The following EPPK1 variants were observed in gnomAD, a reference collection of about 807,000 sequenced individuals.
EPPK1 encodes epiplakin.
For missense variants in EPPK1, 3,823 were observed against 3,673.3 expected (o/e 1.04, Z -1.05); for synonymous variants, 1,862 against 1,721.2 (o/e 1.08, Z -2.03).
chr8:143,866,106 G>C lies in EPPK1; in HGVS notation c.7148C>G (p.Thr2383Ser). Reference protein sequence around the residue: ...NRVLADPSDDTKGFFDPNTHE... With the variant: ...NRVLADPSDDSKGFFDPNTHE... ...CGTGTTGGGGTCGAAGAAGCCCTTG[G>C]TGTCGTCGCTGGGGTCGGCCAGGAC... Residue 2383 changes from threonine to serine, a missense_variant, in exon 2 of 2, where the codon ACC (threonine) becomes AGC (serine). Transcript: ENST00000615648. 3.3e-6 allele frequency: 1 copy of C among 304,780 alleles called. No homozygotes were observed. The highest frequency in any genetic ancestry group is 5.7e-5 in the East Asian group (1 of 17,684). The allele number at this position is 304,780 out of a possible 1,614,324, so 18.9% of individuals were successfully genotyped here. A position where few individuals can be genotyped will look rare whatever the true frequency, so the allele number is the denominator to read the frequency against.
rs145468420 is a variant in EPPK1 at position 143,867,431 on chromosome 8, C to T, written c.5823G>A (p.Leu1941=). The T allele has an allele frequency of 1.9e-5, 31 of 1,612,702 alleles. No homozygotes were observed. In the South Asian group the frequency reaches 2.6e-4, roughly 14 times the overall value. ...AGAGCTTCTGGCGGGTGCAGGGGTC[C>T]AGGAGGAACCCGGTGGCGGCCTGCG... ...LEAQAATGFL[L]DPCTRQKLSV... The change falls in exon 2 of 2, where the codon CTG becomes CTA. Residue 1941 remains leucine (L), a synonymous_variant. Coordinates refer to ENST00000615648, the MANE Select transcript of EPPK1 (RefSeq NM_031308.4).
Position 143,868,734 on chromosome 8 carries a change from G to A in EPPK1, c.4520C>T (p.Thr1507Ile). Residue 1507 changes from threonine (T) to isoleucine (I), a missense_variant, in exon 2 of 2, where the codon ACC becomes ATC. Coordinates refer to ENST00000615648, the MANE Select transcript of EPPK1 (RefSeq NM_031308.4). The stretch of plus-strand genomic sequence containing the variant: ...CTGCCTCTCTGCAGCCTCGACCAGG[G>A]TGGTGACTGCGCTGACCACCTGCCG... ...ALRQVVSAVTTLVEAAERQPL... is the reference protein window; with the variant it reads ...ALRQVVSAVTILVEAAERQPL... 6.3e-7 allele frequency: 1 copy of A among 1,581,588 alleles called. No homozygotes were observed. The highest frequency in any genetic ancestry group is 8.6e-7 in the Non-Finnish European group (1 of 1,168,140).
At position 143,868,041 on chromosome 8, in the gene EPPK1, G is replaced by A. The variant is rs367995617; in HGVS notation, c.5213C>T (p.Thr1738Met). Reference sequence around the variant, plus strand: ...ACAGCGCTCCAGAAGCTGCAGGTACGTGAGGTTCTCGTGCGTGTTGGGGTC... The same window carrying A: ...ACAGCGCTCCAGAAGCTGCAGGTACATGAGGTTCTCGTGCGTGTTGGGGTC... ...FFDPNTHENL[T>M]YLQLLERCVE... Residue 1738 changes from threonine to methionine, a missense_variant, in exon 2 of 2, where the codon ACG becomes ATG. Transcript: ENST00000615648. 89 of 1,613,708 alleles carry A rather than the reference G, an allele frequency of 5.5e-5. No homozygotes were observed. The highest frequency in any genetic ancestry group is 2.5e-4 in the African/African-American group (19 of 75,064).
At position 143,869,069 on chromosome 8, in the gene EPPK1, T is replaced by A; in HGVS notation, c.4185A>T (p.Ala1395=). The A allele has an allele frequency of 6.2e-7, 1 of 1,608,664 alleles. No individual in the cohort carries two copies. Among genetic ancestry groups the A allele is most frequent in the African/African-American group, 1.3e-5 (1 of 75,060 alleles). Residue 1395 remains alanine, a synonymous_variant, in exon 2 of 2, where the codon GCA becomes GCT. Coordinates refer to ENST00000615648, the MANE Select transcript of EPPK1 (RefSeq NM_031308.4). ...LDTQTSQVLT[A]VDKDNKFFFD... is the part of the protein sequence containing the mutation. ...AGAAGAACTTGTTGTCCTTGTCAAC[T>A]GCAGTCAGCACCTGGCTCGTCTGTG...
Position 143,873,740 on chromosome 8 carries a change from G to A in EPPK1, c.-45-442C>T, listed in dbSNP as rs554047953. 3.6e-5 allele frequency among the ~76,000 whole-genome samples: 4 copies of A among 111,144 alleles called. No individual in the cohort carries two copies. In the East Asian group the frequency reaches 6.7e-4, roughly 19 times the overall value. The allele number at this position is 111,144 out of a possible 152,430, so 72.9% of individuals were successfully genotyped here. On this transcript the variant is annotated intron_variant, in intron 1 of 1. Coordinates refer to ENST00000615648, the MANE Select transcript of EPPK1 (RefSeq NM_031308.4). ...GGGCCCGCCCCTCAGCCTGGGCACC[G>A]GCATCTCCCCACCTTTTGTTCTCCA...
intron 1 of EPPK1, among the ~76,000 whole-genome samples, chr8:143,874,640 T>C (rs1819446259): frequency 6.6e-6 from 1 of 152,178 alleles, no homozygotes; most frequent in Admixed American, 6.5e-5. Context: ...CCTCTAGAGC[T>C]GTGAGAGCAA....
rs373337831 is a variant in EPPK1 at position 143,867,956 on chromosome 8, G to A, written c.5298C>T (p.Tyr1766=). The A allele has an allele frequency of 4.1e-5, 66 of 1,613,560 alleles. No homozygotes were observed. Among genetic ancestry groups the A allele is most frequent in the South Asian group, 5.5e-5 (5 of 91,074 alleles). ...LLQIIKKGEN[Y]VYINEATRHV... is the part of the protein sequence containing the mutation. The stretch of plus-strand genomic sequence containing the variant: ...GTCTCGTGGCCTCATTGATGTACAC[G>A]TAGTTTTCTCCTTTCTTTATGATTT... The change falls in exon 2 of 2, where the codon TAC becomes TAT. Residue 1766 remains tyrosine, a synonymous_variant. Transcript: ENST00000615648.
Position 143,878,433 on chromosome 8 carries a change from C to CGCACCCGCT in EPPK1, c.-46+4_-46+5insAGCGGGTGC. 6.7e-6 allele frequency: 1 copy of CGCACCCGCT among 148,760 alleles called. No individual in the cohort carries two copies. Among genetic ancestry groups the CGCACCCGCT allele is most frequent in the Non-Finnish European group, 1.5e-5 (1 of 66,708 alleles). 9.2% of individuals were successfully genotyped at this position (148,760 alleles called of 1,614,324 possible). On this transcript the variant is annotated splice_donor_region_variant and intron_variant, in intron 1 of 1. Transcript: ENST00000615648. ...CACCCGCCGCACCCGCCGCACCCGCCGCACCTGCCCGCTCGCCGCTCGGTC... is the reference window on the plus strand; with the variant it reads ...CACCCGCCGCACCCGCCGCACCCGCCGCACCCGCTGCACCTGCCCGCTCGCCGCTCGGTC...
In EPPK1 at chr8:143,867,208, C is replaced by T. The variant is rs782200809; in HGVS notation, c.6046G>A (p.Val2016Ile). 2.5e-6 allele frequency: 4 copies of T among 1,612,770 alleles called. No homozygotes were observed. The highest frequency in any genetic ancestry group is 2.5e-6 in the Non-Finnish European group (3 of 1,179,820). ...CGGTGGTGGTGCTGTGGGTCGATGA[C>T]ACCCCCCGTGGCCACCTGCACCTCC... ...LLEVQVATGG[V>I]IDPQHHHRLP... Residue 2016 changes from valine (V) to isoleucine (I), a missense_variant, in exon 2 of 2, where the codon GTC (valine) becomes ATC (isoleucine). Transcript: ENST00000615648.
Position 143,868,783 on chromosome 8 carries a change from GAC to G in EPPK1, c.4469_4470del (p.Cys1490SerfsTer281). The G allele has an allele frequency of 6.3e-7, 1 of 1,599,446 alleles. No homozygotes were observed. The highest frequency in any genetic ancestry group is 8.5e-7 in the Non-Finnish European group (1 of 1,177,790). On this transcript the variant is annotated frameshift_variant, in exon 2 of 2. Coordinates refer to ENST00000615648, the MANE Select transcript of EPPK1 (RefSeq NM_031308.4). LOFTEE classifies it low-confidence loss of function (END_TRUNC). ...ADKRRELVAL[C>X]RSGRAAALRQ... Reference sequence around the variant, plus strand: ...CGCAGGGCCGCAGCCCTCCCAGACCGACAGAGTGCCACCAGCTCCCGCCGCTT... The same window carrying G: ...CGCAGGGCCGCAGCCCTCCCAGACCGAGAGTGCCACCAGCTCCCGCCGCTT...
intron 1 of EPPK1, among the ~76,000 whole-genome samples, chr8:143,874,857 C>T (rs879975819): frequency 5.3e-5 from 8 of 152,080 alleles, no homozygotes; most frequent in Non-Finnish European, 1.2e-4. Context: ...GGAGAAGGGT[C>T]GGATCCCACG....
chr8:143,869,075 C>A lies in EPPK1; in HGVS notation c.4179G>T (p.Leu1393=). The change falls in exon 2 of 2, where the codon CTG becomes CTT. Residue 1393 remains leucine (L), a synonymous_variant. Transcript: ENST00000615648. ...ACTTGTTGTCCTTGTCAACTGCAGT[C>A]AGCACCTGGCTCGTCTGTGTGTCCA... The part of the protein sequence containing the change: ...GLLDTQTSQV[L]TAVDKDNKFF... 1 of 1,608,298 alleles carries A rather than the reference C, an allele frequency of 6.2e-7. No homozygotes were observed. The highest frequency in any genetic ancestry group is 1.1e-5 in the South Asian group (1 of 91,074).
At position 143,869,792 on chromosome 8, in the gene EPPK1, G is replaced by A. The variant is rs75713435; in HGVS notation, c.3462C>T (p.Thr1154=). ...LWDLLSSCHF[T]EEQRRGLLED... ...CCAGCAGGCCCCTCCGTTGCTCCTCGGTGAAGTGGCAGGAGCTGAGCAGGT... is the reference window on the plus strand; with the variant it reads ...CCAGCAGGCCCCTCCGTTGCTCCTCAGTGAAGTGGCAGGAGCTGAGCAGGT... The change falls in exon 2 of 2, where the codon ACC becomes ACT. Residue 1154 remains threonine (T), a synonymous_variant. Transcript: ENST00000615648. 1.3e-3 allele frequency: 2,136 copies of A among 1,605,200 alleles called. 28 individuals are homozygous for A. The African/African-American group carries it at 0.024, about 18-fold the overall frequency.
At position 143,872,395 on chromosome 8, in the gene EPPK1, C is replaced by A. The variant is rs782175137; in HGVS notation, c.859G>T (p.Val287Leu). The change falls in exon 2 of 2, where the codon GTG becomes TTG. Residue 287 changes from valine (V) to leucine (L), a missense_variant. Coordinates refer to ENST00000615648, the MANE Select transcript of EPPK1 (RefSeq NM_031308.4). ...VRRYLEGTGS[V>L]AGVVLLPEGH... ...TCGGGCAGCAGGACAACCCCGGCCA[C>A]GCTGCCGGTACCCTCCAGGTAGCGC... 20 of 1,602,826 alleles carry A rather than the reference C, an allele frequency of 1.2e-5. No individual in the cohort carries two copies. Among genetic ancestry groups the A allele is most frequent in the Non-Finnish European group, 2.5e-6 (3 of 1,179,408 alleles).
rs782069995 is a variant in EPPK1, at chr8:143,867,565, C to T, written c.5689G>A (p.Gly1897Ser). 2.8e-5 allele frequency: 45 copies of T among 1,612,740 alleles called. No individual in the cohort carries two copies. Among genetic ancestry groups the T allele is most frequent in the African/African-American group, 1.3e-4 (10 of 74,908 alleles). ...ECVKPYLEGS[G>S]CIAGVTVPST... ...GGCACCGTGACCCCCGCAATGCAGC[C>T]GCTGCCTTCCAGATAGGGCTTCACA... Residue 1897 changes from glycine to serine, a missense_variant, in exon 2 of 2, where the codon GGC becomes AGC. Coordinates refer to ENST00000615648, the MANE Select transcript of EPPK1 (RefSeq NM_031308.4).
At chr8:143,876,078 G>A (rs1373345665) in intron 1 of EPPK1, among the ~76,000 whole-genome samples, 1 of 152,234 alleles carries the variant, frequency 6.6e-6, no homozygotes, top group Non-Finnish European at 1.5e-5. Context: ...GTGTCACCAA[G>A]CCAAAGGCTA....
Position 143,870,846 on chromosome 8 carries a change from G to A in EPPK1, c.2408C>T (p.Ser803Phe). The A allele has an allele frequency of 1.2e-6, 2 of 1,612,954 alleles. No individual in the cohort carries two copies. Among genetic ancestry groups the A allele is most frequent in the Non-Finnish European group, 1.7e-6 (2 of 1,179,908 alleles). Reference protein sequence around the residue: ...LYLLPLSSTQSPLVDSATQQA... With the variant: ...LYLLPLSSTQFPLVDSATQQA... ...CTGGGTGGCACTGTCCACCAGCGGG[G>A]ACTGCGTGCTGCTGAGTGGCAGGAG... The change falls in exon 2 of 2, where the codon TCC becomes TTC. Residue 803 changes from serine to phenylalanine, a missense_variant. Ser to Phe is a radical substitution (Grantham distance 155, BLOSUM62 -2). Transcript: ENST00000615648. This position sits in a 1 kb window ranked among gnomAD's most constrained non-coding sequence, Gnocchi z 5.2.
chr8:143,866,164 G>A lies in EPPK1; in HGVS notation c.7090C>T (p.Arg2364Trp), dbSNP rs1819097963. The change falls in exon 2 of 2, where the codon CGG (arginine) becomes TGG (tryptophan). Residue 2364 changes from arginine (R) to tryptophan (W), a missense_variant. Physicochemically the swap from Arg to Trp is moderately radical, Grantham distance 101. Coordinates refer to ENST00000615648, the MANE Select transcript of EPPK1 (RefSeq NM_031308.4). ...ATCTCCTCGTCGAAGTAGCCGCGCC[G>A]GTAGGCCACGTCCACGGGCACGCGG... ...SHRVPVDVAY[R>W]RGYFDEEMNR... is the part of the protein sequence containing the mutation. 30 of 404,636 alleles carry A rather than the reference G, an allele frequency of 7.4e-5. No individual in the cohort carries two copies. The highest frequency in any genetic ancestry group is 5.0e-4 in the Admixed American group (8 of 15,908). 25.1% of individuals were successfully genotyped at this position (404,636 alleles called of 1,614,324 possible). A position where few individuals can be genotyped will look rare whatever the true frequency, so the allele number is the denominator to read the frequency against.
chr8:143,878,150 G>A (rs1002475142), intron 1 of EPPK1, among the ~76,000 whole-genome samples: 3 of 151,912 alleles, frequency 2.0e-5, no homozygotes, highest in Admixed American at 2.0e-4. Flanking sequence ...GTGAGGGCTC[G>A]GGGCCGGCGC....
Sources: allele counts gnomAD v4.1 joint callset (sites outside exome capture counted in the v4.1 genomes callset), GRCh38; gene constraint gnomAD v4.1.1; non-coding constraint Gnocchi (gnomAD v3.1); transcripts MANE v1.5; gene names NCBI Gene and HGNC (gene_info 2026-07-23, HGNC 2026-07-21).